Variants in SACS observed in about 807,000 individuals in gnomAD.
SACS encodes sacsin.
In SACS, 197 loss-of-function variants were observed where a neutral mutation model predicts 348.0. That is an observed-to-expected ratio of 0.57 (90% confidence interval 0.50 to 0.64). The LOEUF is 0.64. Among genes scored for constraint, SACS ranks in the 30% least tolerant of loss-of-function variants. The pLI is 0.00. For missense variants in SACS, 4,999 were observed against 5,360.8 expected (o/e 0.93, Z 2.11); for synonymous variants, 1,985 against 1,910.6 (o/e 1.04, Z -1.02).
At chr13:23,365,407 C>G in intron 5 of SACS, 130 bp from the exon 6 acceptor site, 1 of 617,446 alleles carries the variant, frequency 1.6e-6, no homozygotes, top group East Asian at 3.0e-5. Context: ...GCAACATTAC[C>G]TTTAAGATCT....
At chr13:23,354,398 G>C (rs1365417973) in intron 8 of SACS, 121 bp downstream of exon 8, 1 of 798,980 alleles carries the variant, frequency 1.3e-6, no homozygotes, top group Non-Finnish European at 2.1e-6. Context: ...TTCTGCAAAA[G>C]TCTTCCTAAC....
At chr13:23,406,139 A>G (rs1393832015) in intron 2 of SACS, among the ~76,000 whole-genome samples, 1 of 152,250 alleles carries the variant, frequency 6.6e-6, no homozygotes, top group Non-Finnish European at 1.5e-5. Context: ...CCAAATGCCC[A>G]TCATTGATAG....
In SACS at chr13:23,339,790, A is replaced by G; in HGVS notation, c.4086T>C (p.Ile1362=). The G allele has an allele frequency of 6.2e-7, 1 of 1,613,818 alleles. No individual in the cohort carries two copies. Among genetic ancestry groups the G allele is most frequent in the East Asian group, 2.2e-5 (1 of 44,868 alleles). Residue 1362 remains isoleucine, a synonymous_variant, in exon 10 of 10, where the codon ATT becomes ATC. Transcript: ENST00000382292. The part of the protein sequence containing the change: ...SKQNLHLMLN[I]IRWLYSNQIP... ...TCTGATTGCTATACAGCCATCTGAT[A>G]ATATTCAACATAAGATGAAGATTTT...
intron 2 of SACS, among the ~76,000 whole-genome samples, chr13:23,391,149 C>A (rs1872514298): frequency 3.3e-5 from 5 of 152,242 alleles, no homozygotes. Flanking sequence ...AATCTGCACA[C>A]TGAGTTTGTG....
intron 2 of SACS, among the ~76,000 whole-genome samples, chr13:23,405,314 G>A (rs994081560): frequency 6.6e-6 from 1 of 152,152 alleles, no homozygotes; most frequent in Non-Finnish European, 1.5e-5. Flanking sequence ...ATGGGGAAAA[G>A]ATTCCCTACT....
intron 9 of SACS, among the ~76,000 whole-genome samples, chr13:23,350,749 AG>A (rs1459969914): frequency 6.6e-6 from 1 of 152,192 alleles, no homozygotes; most frequent in Non-Finnish European, 1.5e-5. Context: ...CCATATATGA[AG>A]GGGGCTCCAT....
At chr13:23,385,171 T>A (rs1218109896) in intron 2 of SACS, among the ~76,000 whole-genome samples, 1 of 151,980 alleles carries the variant, frequency 6.6e-6, no homozygotes, top group Non-Finnish European at 1.5e-5. Context: ...ATCATGAGAT[T>A]GCCCCAACTC....
chr13:23,377,337 T>C (rs1871855737), intron 2 of SACS, among the ~76,000 whole-genome samples: 1 of 152,206 alleles, frequency 6.6e-6, no homozygotes, highest in Admixed American at 6.5e-5. Context: ...GCAAAGGCTT[T>C]TCCTGGACCA....
chr13:23,396,414 G>T (rs1158520626), intron 2 of SACS, among the ~76,000 whole-genome samples: 1 of 151,490 alleles, frequency 6.6e-6, no homozygotes, highest in Non-Finnish European at 1.5e-5. Flanking sequence ...AAGCTCATAT[G>T]ATTTGAGTAA....
chr13:23,382,808 A>T (rs1228089038), intron 2 of SACS, among the ~76,000 whole-genome samples: 3 of 143,928 alleles, frequency 2.1e-5, no homozygotes, highest in African/African-American at 5.1e-5. Flanking sequence ...TTTGAGATAG[A>T]GTCTAGCTCT....
chr13:23,420,770 T>C (rs568481347), intron 1 of SACS, among the ~76,000 whole-genome samples: 1 of 152,024 alleles, frequency 6.6e-6, no homozygotes, highest in African/African-American at 2.4e-5. Flanking sequence ...AGGCCTGATG[T>C]TCATCAGGAG....
At chr13:23,407,194 C>CT (rs1873261605) in intron 2 of SACS, among the ~76,000 whole-genome samples, 1 of 152,088 alleles carries the variant, frequency 6.6e-6, no homozygotes, top group African/African-American at 2.4e-5. Flanking sequence ...CTTTGTTTTT[C>CT]TTTTTATTTA....
chr13:23,389,193 TGTGTGTGTATATA>T (rs1872430842), intron 2 of SACS, among the ~76,000 whole-genome samples: 2 of 152,080 alleles, frequency 1.3e-5, no homozygotes, highest in Admixed American at 6.6e-5. Flanking sequence ...TGTGTATGTG[TGTGTGTGTATATA>T]GCCTGTGTAT....
chr13:23,336,985 C>T lies in SACS; in HGVS notation c.6891G>A (p.Leu2297=), dbSNP rs775553857. The T allele has an allele frequency of 1.2e-6, 2 of 1,613,952 alleles. No homozygotes were observed. Among genetic ancestry groups the T allele is most frequent in the Non-Finnish European group, 1.7e-6 (2 of 1,179,886 alleles). The change falls in exon 10 of 10, where the codon TTG becomes TTA. Residue 2297 remains leucine (L), a synonymous_variant. Coordinates refer to ENST00000382292, the MANE Select transcript of SACS (RefSeq NM_014363.6). The stretch of plus-strand genomic sequence containing the variant: ...CATCAACTGATTTTGCTACTTCTTT[C>T]AATTGGTTTATAACCAGATCAACTG... ...KPTVDLVINQ[L]KEVAKSVDDG...
rs752276492 is a variant in SACS, at chr13:23,337,977, T to C, written c.5899A>G (p.Ile1967Val). The change falls in exon 10 of 10, where the codon ATA (isoleucine) becomes GTA (valine). Residue 1967 changes from isoleucine (I) to valine (V), a missense_variant. By Grantham distance (29) the Ile-to-Val change is conservative. Transcript: ENST00000382292. ...AGTTCTTTCCCTTTTCCATGAGCTA[T>C]ATCTTCATAAAATCCTTGGCAAATT... ...SVICQGFYEDIAHGKGKELTK... is the reference protein window; with the variant it reads ...SVICQGFYEDVAHGKGKELTK... The C allele has an allele frequency of 1.9e-6, 3 of 1,614,024 alleles. No homozygotes were observed. The highest frequency in any genetic ancestry group is 2.5e-6 in the Non-Finnish European group (3 of 1,179,944).
intron 2 of SACS, 100 bp from the exon 3 acceptor site, chr13:23,375,369 GC>G: frequency 3.2e-6 from 4 of 1,259,044 alleles, no homozygotes; most frequent in Non-Finnish European, 2.0e-6. Context: ...ACATCGCGGC[GC>G]GGCAGGCGCC....
chr13:23,358,130 G>A (rs1400024776), intron 7 of SACS, among the ~76,000 whole-genome samples: 1 of 152,162 alleles, frequency 6.6e-6, no homozygotes, highest in Non-Finnish European at 1.5e-5. Context: ...ATCACATGAT[G>A]AAGGAAAACT....
intron 6 of SACS, among the ~76,000 whole-genome samples, chr13:23,362,101 TCAGAGAAAATCATGTACATGTTTTATGA>T (rs1870771463): frequency 6.6e-6 from 1 of 152,228 alleles, no homozygotes; most frequent in South Asian, 2.1e-4. Flanking sequence ...ATGTTGATTA[TCAGAGAAAATCATGTACATGTTTTATGA>T]CTGAAATAGC....
At position 23,330,394 on chromosome 13, in the gene SACS, T is replaced by G. The variant is rs200439163; in HGVS notation, c.13482A>C (p.Gly4494=). The G allele has an allele frequency of 5.0e-6, 8 of 1,614,196 alleles. No homozygotes were observed. Among genetic ancestry groups the G allele is most frequent in the African/African-American group, 1.3e-5 (1 of 75,060 alleles). Residue 4494 remains glycine (G), a synonymous_variant, in exon 10 of 10, where the codon GGA becomes GGC. Coordinates refer to ENST00000382292, the MANE Select transcript of SACS (RefSeq NM_014363.6). ...ALIAADYAVR[G]KSDKDVKPTA... is the part of the protein sequence containing the mutation. ...TTGGTTTTACATCTTTATCAGACTT[T>G]CCCCTCACAGCATAGTCAGCTGCAA... is the stretch of plus-strand genomic sequence containing the variant.
Sources: gnomAD v4.1 joint callset for allele counts (sites outside exome capture counted in the v4.1 genomes callset) on GRCh38, gnomAD v4.1.1 for gene constraint, MANE v1.5 for transcripts, NCBI Gene and HGNC (gene_info 2026-07-23, HGNC 2026-07-21) for gene names.